Variants in ANKIB1 observed in about 807,000 individuals in gnomAD.
ANKIB1 encodes ankyrin repeat and IBR domain containing 1.
Under a neutral mutation model 122.1 loss-of-function variants are expected in ANKIB1, and 43 were observed. That is an observed-to-expected ratio of 0.35 (90% CI 0.28 to 0.45). The LOEUF (loss-of-function observed/expected upper bound fraction) is 0.45, where lower values mean the gene tolerates loss of function less well. Ranked by LOEUF, ANKIB1 falls within the 20% of genes least tolerant of loss-of-function variation. The pLI, the probability that ANKIB1 is intolerant of heterozygous loss-of-function variation, is 1.00. For missense variants in ANKIB1, 992 were observed against 1,329.5 expected, an observed-to-expected ratio of 0.75 and a Z score of 3.95; for synonymous variants, 390 against 442.0, an observed-to-expected ratio of 0.88 and a Z score of 1.48.
intron 1 of ANKIB1, among the ~76,000 whole-genome samples, chr7:92,276,742 C>T (rs916169167): frequency 6.6e-6 from 1 of 152,170 alleles, no homozygotes; most frequent in East Asian, 1.9e-4. Context: ...CAGCACATAT[C>T]TGGTTAAGTT....
At chr7:92,274,799 A>T (rs189285751) in intron 1 of ANKIB1, among the ~76,000 whole-genome samples, 51 of 152,068 alleles carry the variant, frequency 3.4e-4, no homozygotes, top group Middle Eastern at 3.4e-3. Flanking sequence ...TAAAAAAAAA[A>T]TTTTTTTTAA....
Position 92,246,398 on chromosome 7 carries a change from G to T in ANKIB1, c.-212G>T. Reference sequence around the variant, plus strand: ...GCCGGCGAGGAAGGGGCAACCGTCCGGGTGGGTGGGGCGGGCTGGGTACCT... The same window carrying T: ...GCCGGCGAGGAAGGGGCAACCGTCCTGGTGGGTGGGGCGGGCTGGGTACCT... On this transcript the variant is annotated 5_prime_UTR_variant, in exon 1 of 20. Transcript: ENST00000265742. The T allele has an allele frequency of 4.0e-6, 2 of 501,510 alleles. No homozygotes were observed. Among genetic ancestry groups the T allele is most frequent in the Non-Finnish European group, 4.0e-6 (1 of 252,928 alleles). 31.1% of individuals were successfully genotyped at this position (501,510 alleles called of 1,614,324 possible). A position where few individuals can be genotyped will look rare whatever the true frequency, so the allele number is the denominator to read the frequency against.
At chr7:92,387,776 T>C (rs745920095) in intron 12 of ANKIB1, 22 bp from the exon 13 acceptor site, 2 of 1,583,674 alleles carry the variant, frequency 1.3e-6, no homozygotes, top group East Asian at 2.2e-5. Context: ...ATAAAAGTCA[T>C]TTGTGGACTT....
intron 9 of ANKIB1, 108 bp downstream of exon 9, chr7:92,352,750 T>G (rs1343765966): frequency 8.8e-7 from 1 of 1,131,736 alleles, no homozygotes; most frequent in Non-Finnish European, 1.2e-6. Context: ...CTTGATAGTA[T>G]TCTTCTTAAT....
intron 1 of ANKIB1, among the ~76,000 whole-genome samples, chr7:92,248,342 G>A (rs1435863185): frequency 6.6e-6 from 1 of 152,066 alleles, no homozygotes; most frequent in East Asian, 1.9e-4. Flanking sequence ...AACATGGGAG[G>A]GAAGTTTTGT....
intron 10 of ANKIB1, among the ~76,000 whole-genome samples, chr7:92,369,863 C>T (rs1052308946): frequency 1.3e-5 from 2 of 152,202 alleles, no homozygotes; most frequent in Non-Finnish European, 2.9e-5. Context: ...TTTAATCATG[C>T]ATCTGGAACT....
At chr7:92,253,582 A>T (rs755213782) in intron 1 of ANKIB1, among the ~76,000 whole-genome samples, 1 of 152,242 alleles carries the variant, frequency 6.6e-6, no homozygotes, top group Non-Finnish European at 1.5e-5. Context: ...AATCTATTTC[A>T]AGAATTTACA....
chr7:92,259,114 T>C (rs576145886), intron 1 of ANKIB1, among the ~76,000 whole-genome samples: 1 of 152,178 alleles, frequency 6.6e-6, no homozygotes, highest in Admixed American at 6.5e-5. Context: ...CCACCACACC[T>C]GGCTAATTTT....
chr7:92,355,654 C>T (rs1803786485), intron 9 of ANKIB1, among the ~76,000 whole-genome samples: 1 of 151,824 alleles, frequency 6.6e-6, no homozygotes. Flanking sequence ...TCGAGACCAT[C>T]CTGGGTAACA....
At chr7:92,346,408 T>A (rs1348853839) in intron 7 of ANKIB1, among the ~76,000 whole-genome samples, 1 of 152,112 alleles carries the variant, frequency 6.6e-6, no homozygotes, top group East Asian at 1.9e-4. Context: ...CTGGTTTGAT[T>A]TTGAGTACAT....
intron 1 of ANKIB1, among the ~76,000 whole-genome samples, chr7:92,278,112 A>T (rs1462194542): frequency 6.6e-6 from 1 of 151,640 alleles, no homozygotes; most frequent in Non-Finnish European, 1.5e-5. Context: ...TTACCCAGGC[A>T]TGATGATGCG....
At chr7:92,254,437 C>G (rs998857734) in intron 1 of ANKIB1, among the ~76,000 whole-genome samples, 5 of 152,114 alleles carry the variant, frequency 3.3e-5, no homozygotes, top group African/African-American at 1.2e-4. Context: ...AATATTGACA[C>G]AATTCTAATT....
At chr7:92,341,262 A>G (rs1803433686) in intron 5 of ANKIB1, among the ~76,000 whole-genome samples, 1 of 151,306 alleles carries the variant, frequency 6.6e-6, no homozygotes, top group Admixed American at 6.6e-5. Context: ...GTGAGCCAAG[A>G]TCATGCCGTT....
At chr7:92,322,463 G>A (rs894638135) in intron 4 of ANKIB1, among the ~76,000 whole-genome samples, 1 of 151,920 alleles carries the variant, frequency 6.6e-6, no homozygotes, top group African/African-American at 2.4e-5. Context: ...TTATTATTTT[G>A]TCTATTTTCA....
At chr7:92,272,630 C>T (rs184721317) in intron 1 of ANKIB1, among the ~76,000 whole-genome samples, 4 of 151,834 alleles carry the variant, frequency 2.6e-5, no homozygotes, top group East Asian at 1.9e-4. Context: ...GAGGGGATCT[C>T]GGAGTAGGGA....
chr7:92,355,585 C>T (rs1803784518), intron 9 of ANKIB1, among the ~76,000 whole-genome samples: 1 of 151,956 alleles, frequency 6.6e-6, no homozygotes, highest in African/African-American at 2.4e-5. Context: ...TGTGGTGGCT[C>T]ACGCCTGTAA....
intron 1 of ANKIB1, among the ~76,000 whole-genome samples, chr7:92,288,848 A>AG (rs1802191216): frequency 6.6e-6 from 1 of 152,080 alleles, no homozygotes; most frequent in African/African-American, 2.4e-5. Context: ...CTACCAAAAA[A>AG]GAAAAAAAAA....
intron 5 of ANKIB1, among the ~76,000 whole-genome samples, chr7:92,341,750 C>G (rs1295758035): frequency 2.0e-5 from 3 of 152,104 alleles, no homozygotes; most frequent in African/African-American, 4.8e-5. Flanking sequence ...GTTTGACTTA[C>G]AATTTTTTGA....
intron 11 of ANKIB1, among the ~76,000 whole-genome samples, chr7:92,376,435 C>CT (rs1018441745): frequency 3.3e-5 from 5 of 150,020 alleles, no homozygotes; most frequent in African/African-American, 1.2e-4. Context: ...TTACCTTGCA[C>CT]TTTTTTTTTA....
Sources: gnomAD v4.1 joint callset for allele counts (sites outside exome capture counted in the v4.1 genomes callset) on GRCh38, gnomAD v4.1.1 for gene constraint, MANE v1.5 for transcripts, NCBI Gene and HGNC (gene_info 2026-07-23, HGNC 2026-07-21) for gene names.